Variants in CNTLN observed in about 807,000 individuals in gnomAD.
The protein encoded by CNTLN is centlein.
A neutral mutation model predicts 180.0 loss-of-function variants in CNTLN; 212 were observed. The observed-to-expected ratio is 1.18, with a 90% CI of 1.05 to 1.32. CNTLN has a LOEUF of 1.32. Among genes scored for constraint, CNTLN ranks in the 40% most tolerant of loss-of-function variants. The probability of loss-of-function intolerance (pLI) is 0.00; values close to 1 mark genes in which losing one functional copy is unlikely to be tolerated. For synonymous variants in CNTLN, 722 were observed against 563.1 expected (o/e 1.28, Z -3.99); for missense variants, 2,095 against 1,610.9 (o/e 1.30, Z -5.14).
At chr9:17,177,845 G>A (rs1248958337) in intron 2 of CNTLN, among the ~76,000 whole-genome samples, 1 of 152,170 alleles carries the variant, frequency 6.6e-6, no homozygotes, top group African/African-American at 2.4e-5. Flanking sequence ...CAGTATGGAA[G>A]GGGACCTGAA....
chr9:17,285,066 C>T (rs1316047641), intron 6 of CNTLN, among the ~76,000 whole-genome samples: 1 of 150,844 alleles, frequency 6.6e-6, no homozygotes, highest in Non-Finnish European at 1.5e-5. Flanking sequence ...AGGTTAGTTA[C>T]ATATGTATAC....
At chr9:17,330,428 A>G (rs562333889) in intron 8 of CNTLN, among the ~76,000 whole-genome samples, 1 of 152,048 alleles carries the variant, frequency 6.6e-6, no homozygotes, top group Non-Finnish European at 1.5e-5. Context: ...AAATACTTGC[A>G]TATAGACTCT....
intron 20 of CNTLN, among the ~76,000 whole-genome samples, chr9:17,463,429 G>A (rs891800353): frequency 6.6e-6 from 1 of 151,522 alleles, no homozygotes; most frequent in African/African-American, 2.4e-5. Context: ...GGTTATGGAA[G>A]TTTGTACTCT....
At chr9:17,434,555 T>A (rs1342351730) in intron 18 of CNTLN, among the ~76,000 whole-genome samples, 2 of 152,106 alleles carry the variant, frequency 1.3e-5, no homozygotes, top group Non-Finnish European at 2.9e-5. Flanking sequence ...TTATCAAATT[T>A]TAGTTTTATT....
chr9:17,502,451 T>C, intron 25 of CNTLN, 100 bp from the exon 26 acceptor site: 1 of 571,734 alleles, frequency 1.7e-6, no homozygotes, highest in Non-Finnish European at 3.0e-6. Flanking sequence ...GGCTGCAAAG[T>C]TGCAGACATC....
chr9:17,301,313 A>T, intron 7 of CNTLN: 15 of 985,414 alleles, frequency 1.5e-5, no homozygotes, highest in Non-Finnish European at 1.8e-5. Context: ...CTTTTCTTCT[A>T]GGATTATGTT....
At chr9:17,294,299 C>T (rs532995487) in intron 6 of CNTLN, among the ~76,000 whole-genome samples, 1 of 152,156 alleles carries the variant, frequency 6.6e-6, no homozygotes, top group South Asian at 2.1e-4. Context: ...CTGGCCCCAC[C>T]CACATCCTGC....
intron 12 of CNTLN, among the ~76,000 whole-genome samples, chr9:17,356,627 G>T (rs2133346236): frequency 6.6e-6 from 1 of 152,220 alleles, no homozygotes; most frequent in Non-Finnish European, 1.5e-5. Context: ...ACATGTAACT[G>T]AATCTGTGTG....
chr9:17,311,406 C>T (rs1819122346), intron 8 of CNTLN, among the ~76,000 whole-genome samples: 1 of 150,536 alleles, frequency 6.6e-6, no homozygotes, highest in African/African-American at 2.4e-5. Context: ...TCTGTTCCCC[C>T]AAAGACAGAA....
intron 14 of CNTLN, among the ~76,000 whole-genome samples, chr9:17,393,944 T>C (rs1241113323): frequency 6.6e-6 from 1 of 152,162 alleles, no homozygotes; most frequent in East Asian, 1.9e-4. Flanking sequence ...TTGAAATAAA[T>C]GGGAAAATTT....
At chr9:17,386,913 G>C (rs1182897978) in intron 13 of CNTLN, among the ~76,000 whole-genome samples, 1 of 152,184 alleles carries the variant, frequency 6.6e-6, no homozygotes, top group Non-Finnish European at 1.5e-5. Context: ...ACTGCTGAAA[G>C]ATTGCTGTAA....
the CNTLN span, among the ~76,000 whole-genome samples, chr9:17,521,265 A>AAGAGAG: frequency 0.057 from 6,703 of 118,494 alleles, 210 homozygotes; most frequent in Middle Eastern, 0.076. Context: ...AAGGGAGAAA[A>AAGAGAG]AGAGAGAGAG....
intron 6 of CNTLN, among the ~76,000 whole-genome samples, chr9:17,292,310 C>CGAG (rs1300289917): frequency 6.6e-6 from 1 of 151,956 alleles, no homozygotes; most frequent in East Asian, 1.9e-4. Context: ...GAGTATCTTA[C>CGAG]GAGGGTTCTT....
intron 2 of CNTLN, among the ~76,000 whole-genome samples, chr9:17,176,889 T>C (rs936691517): frequency 6.6e-5 from 10 of 152,194 alleles, no homozygotes; most frequent in Admixed American, 5.2e-4. Context: ...TTTCTTGTTA[T>C]GGTTTTATGT....
At chr9:17,519,079 G>T in the CNTLN span, among the ~76,000 whole-genome samples, 1 of 133,152 alleles carries the variant, frequency 7.5e-6, no homozygotes, top group Admixed American at 7.0e-5. Context: ...TGTGCTACCA[G>T]GCCTAGTTAT....
intron 2 of CNTLN, among the ~76,000 whole-genome samples, chr9:17,170,319 T>C (rs948232499): frequency 1.3e-5 from 2 of 152,142 alleles, no homozygotes; most frequent in East Asian, 1.9e-4. Flanking sequence ...TATATAAGAT[T>C]GTGTTGTATA....
intron 12 of CNTLN, among the ~76,000 whole-genome samples, chr9:17,364,591 T>C (rs1823656685): frequency 6.6e-6 from 1 of 152,208 alleles, no homozygotes; most frequent in Non-Finnish European, 1.5e-5. Context: ...TATTCTCTTA[T>C]CTCTATTTTA....
intron 16 of CNTLN, among the ~76,000 whole-genome samples, chr9:17,411,337 C>T (rs77895157): frequency 0.087 from 13,297 of 152,178 alleles, 1,391 homozygotes; most frequent in East Asian, 0.25. Context: ...GTGTCCTACT[C>T]CAGGCAAACA....
Position 17,309,323 on chromosome 9 carries a change from A to G in CNTLN, c.1341+71A>G. 11 of 1,240,114 alleles carry G rather than the reference A, an allele frequency of 8.9e-6. No homozygotes were observed. The South Asian group carries it at 2.0e-4, about 23-fold the overall frequency. 76.8% of individuals were successfully genotyped at this position (1,240,114 alleles called of 1,614,324 possible). On this transcript the variant is annotated intron_variant, in intron 8 of 25. Transcript: ENST00000380647. Reference sequence around the variant, plus strand: ...AAATCATCTCCTACAATTGACTAAAACATAAAAATTTAAATATATTTGCAT... The same window carrying G: ...AAATCATCTCCTACAATTGACTAAAGCATAAAAATTTAAATATATTTGCAT...
Sources: allele counts gnomAD v4.1 joint callset (sites outside exome capture counted in the v4.1 genomes callset), GRCh38; gene constraint gnomAD v4.1.1; transcripts MANE v1.5; gene names NCBI Gene and HGNC (gene_info 2026-07-23, HGNC 2026-07-21).